UNC13C: variants seen among roughly 807,000 people sequenced by gnomAD.
UNC13C encodes unc-13 homolog C, also known as protein unc-13 homolog C.
In UNC13C, 174 loss-of-function variants were observed where a neutral mutation model predicts 245.4. The ratio of observed to expected loss-of-function variants is 0.71; its 90% CI spans 0.63 to 0.80. The LOEUF is 0.80. Among genes scored for constraint, UNC13C ranks in the 30% least tolerant of loss-of-function variants. UNC13C has a pLI of 0.00. For missense variants in UNC13C, 2,829 were observed against 2,602.9 expected, an observed-to-expected ratio of 1.09 and a Z score of -1.89; for synonymous variants, 992 against 895.1, an observed-to-expected ratio of 1.11 and a Z score of -1.93.
At chr15:54,621,892 A>G (rs1194233520) in intron 30 of UNC13C, among the ~76,000 whole-genome samples, 3 of 152,194 alleles carry the variant, frequency 2.0e-5, no homozygotes, top group Non-Finnish European at 2.9e-5. Context: ...CCCCTGGCCA[A>G]CTATGAGTTT....
intron 19 of UNC13C, among the ~76,000 whole-genome samples, chr15:54,462,693 G>A (rs1891916723): frequency 6.6e-6 from 1 of 152,210 alleles, no homozygotes; most frequent in Non-Finnish European, 1.5e-5. Flanking sequence ...CCTCCCCAGG[G>A]GCAGGGCTTG....
chr15:54,327,303 C>G lies in UNC13C; in HGVS notation c.4426-4740C>G, dbSNP rs187875785. Among the ~76,000 whole-genome samples, 291 of 151,932 alleles carry G rather than the reference C, an allele frequency of 1.9e-3. 1 individual carries two copies. Among genetic ancestry groups the G allele is most frequent in the African/African-American group, 6.7e-3 (279 of 41,462 alleles). ...GTGATATTTTTATTGACTGACCAAC[C>G]TCTATAATATTTTCTTTCTACACAT... On this transcript the variant is annotated intron_variant, in intron 14 of 32. Transcript: ENST00000260323.
the UNC13C span, among the ~76,000 whole-genome samples, chr15:53,958,877 G>A: frequency 1.6e-3 from 244 of 151,976 alleles, 1 homozygote; most frequent in African/African-American, 5.8e-3. Flanking sequence ...CTGTACTGTC[G>A]AATACTAGAA....
intron 30 of UNC13C, among the ~76,000 whole-genome samples, chr15:54,576,038 G>C (rs916842445): frequency 6.6e-6 from 1 of 152,214 alleles, no homozygotes; most frequent in Non-Finnish European, 1.5e-5. Context: ...TCCAAAAGTA[G>C]AAATGGCAAA....
intron 19 of UNC13C, among the ~76,000 whole-genome samples, chr15:54,464,083 G>A (rs1892038255): frequency 6.6e-6 from 1 of 152,126 alleles, no homozygotes; most frequent in Non-Finnish European, 1.5e-5. Flanking sequence ...TTTTTATCAT[G>A]TAAGATTTCC....
chr15:54,449,847 C>G (rs1024265318), intron 19 of UNC13C, among the ~76,000 whole-genome samples: 3 of 152,204 alleles, frequency 2.0e-5, no homozygotes, highest in Non-Finnish European at 4.4e-5. Flanking sequence ...AGGAGAGGCA[C>G]TCTGATTTTT....
chr15:54,302,631 T>C (rs530659345), intron 13 of UNC13C, among the ~76,000 whole-genome samples: 1 of 152,296 alleles, frequency 6.6e-6, no homozygotes, highest in Admixed American at 6.5e-5. Context: ...GAGGCCTCTG[T>C]TCTGTTCCAT....
In UNC13C at chr15:54,559,058, G is replaced by T. The variant is rs533910379; in HGVS notation, c.5958+3546G>T. ...ACCCCTGTTATATGGGCCTGAACAT[G>T]ACACTACATTATATGTTGCAAATAT... On this transcript the variant is annotated intron_variant, in intron 29 of 32. Coordinates refer to ENST00000260323, the MANE Select transcript of UNC13C (RefSeq NM_001080534.3). Among the ~76,000 whole-genome samples, 18 of 152,040 alleles carry T rather than the reference G, an allele frequency of 1.2e-4. No homozygotes were observed. The South Asian group carries it at 3.7e-3, about 32-fold the overall frequency.
At chr15:54,104,023 G>A (rs1365167462) in intron 2 of UNC13C, among the ~76,000 whole-genome samples, 3 of 152,200 alleles carry the variant, frequency 2.0e-5, no homozygotes, top group South Asian at 2.1e-4. Flanking sequence ...GATTACAGGC[G>A]TGAGCCACCA....
At chr15:54,420,721 C>T (rs747040009) in intron 19 of UNC13C, among the ~76,000 whole-genome samples, 7 of 151,968 alleles carry the variant, frequency 4.6e-5, no homozygotes, top group Non-Finnish European at 8.8e-5. Flanking sequence ...TCTCTCAGCC[C>T]TTCCCATAAC....
chr15:54,571,970 T>A lies in UNC13C; in HGVS notation c.6106+4023T>A, dbSNP rs143336734. Among the ~76,000 whole-genome samples the A allele has an allele frequency of 3.2e-3, 489 of 152,348 alleles. 5 individuals carry two copies. Among genetic ancestry groups the A allele is most frequent in the African/African-American group, 0.011 (456 of 41,582 alleles). ...GCTTGACACACACTTACTTACTTTTTACTTACTTATTTTTTTAGCTTATTT... is the reference window on the plus strand; with the variant it reads ...GCTTGACACACACTTACTTACTTTTAACTTACTTATTTTTTTAGCTTATTT... On this transcript the variant is annotated intron_variant, in intron 30 of 32. Transcript: ENST00000260323.
chr15:53,939,686 T>C, the UNC13C span, among the ~76,000 whole-genome samples: 1,884 of 152,212 alleles, frequency 0.012, 35 homozygotes, highest in African/African-American at 0.043. Flanking sequence ...GTTCAACATA[T>C]GCAAATTAAT....
At chr15:54,228,099 A>G (rs2035444729) in intron 4 of UNC13C, among the ~76,000 whole-genome samples, 1 of 152,064 alleles carries the variant, frequency 6.6e-6, no homozygotes, top group Admixed American at 6.6e-5. Flanking sequence ...TCTCCTTTCC[A>G]TATAAGAAGA....
chr15:54,488,591 T>C (rs1893545787), intron 19 of UNC13C, among the ~76,000 whole-genome samples: 1 of 152,110 alleles, frequency 6.6e-6, no homozygotes. Context: ...AATTGTACAC[T>C]ATACAGAAAA....
intron 18 of UNC13C, among the ~76,000 whole-genome samples, chr15:54,406,380 G>A (rs914759767): frequency 2.0e-5 from 3 of 152,102 alleles, no homozygotes; most frequent in African/African-American, 7.2e-5. Context: ...CTGCTTCAGA[G>A]AAAGATCAGA....
rs768240170 is a variant in UNC13C at position 54,077,376 on chromosome 15, C to CTTTTTTTTTTTTTTTTTTTTTTTTTTTTT, written c.2983+61510_2983+61511insTTTTTTTTTTTTTTTTTTTTTTTTTTTTT. 4.6e-4 allele frequency among the ~76,000 whole-genome samples: 29 copies of CTTTTTTTTTTTTTTTTTTTTTTTTTTTTT among 62,702 alleles called. 6 individuals are homozygous for CTTTTTTTTTTTTTTTTTTTTTTTTTTTTT. Among genetic ancestry groups the CTTTTTTTTTTTTTTTTTTTTTTTTTTTTT allele is most frequent in the African/African-American group, 1.2e-3 (20 of 16,516 alleles). The allele number at this position is 62,702 out of a possible 152,430, so 41.1% of individuals were successfully genotyped here. On this transcript the variant is annotated intron_variant, in intron 2 of 32. Coordinates refer to ENST00000260323, the MANE Select transcript of UNC13C (RefSeq NM_001080534.3). Reference sequence around the variant, plus strand: ...TTTTCCTTTTCTTTTCTTTTCTTTTCTTTTTTTTTTTTTTTTTTTTGAGAC... The same window carrying CTTTTTTTTTTTTTTTTTTTTTTTTTTTTT: ...TTTTCCTTTTCTTTTCTTTTCTTTTCTTTTTTTTTTTTTTTTTTTTTTTTTTTTTTTTTTTTTTTTTTTTTTTTTGAGAC...
intron 30 of UNC13C, among the ~76,000 whole-genome samples, chr15:54,575,256 G>A (rs766515996): frequency 9.9e-5 from 15 of 152,056 alleles, no homozygotes; most frequent in Non-Finnish European, 1.8e-4. Context: ...GGCTGGCCTC[G>A]AACTCCTGAC....
chr15:54,396,593 A>C (rs1450677297), intron 18 of UNC13C, among the ~76,000 whole-genome samples: 1 of 151,578 alleles, frequency 6.6e-6, no homozygotes, highest in Non-Finnish European at 1.5e-5. Flanking sequence ...TTGTATAGAC[A>C]TACTCTTTTA....
Position 54,190,311 on chromosome 15 carries a change from T to A in UNC13C, c.3072-44719T>A, listed in dbSNP as rs75435761. ...AAGTTTAACAAGACAGGTAATTCCT[T>A]TGGACAATAAAAATTCAAAAAGCAA... On this transcript the variant is annotated intron_variant, in intron 4 of 32. Transcript: ENST00000260323. 0.01 allele frequency among the ~76,000 whole-genome samples: 1,572 copies of A among 152,208 alleles called. 62 individuals carry two copies. In the East Asian group the frequency reaches 0.11, roughly 10 times the overall value.
Sources: allele counts gnomAD v4.1 joint callset (sites outside exome capture counted in the v4.1 genomes callset), GRCh38; gene constraint gnomAD v4.1.1; transcripts MANE v1.5; gene names NCBI Gene and HGNC (gene_info 2026-07-23, HGNC 2026-07-21).